Variants in RIT2 observed in about 807,000 individuals in gnomAD.
The protein encoded by RIT2 is Ras like without CAAX 2.
RIT2 carries 24 observed loss-of-function variants against 23.7 expected under a neutral mutation model. The observed-to-expected ratio is 1.01, with a 90% CI of 0.73 to 1.43. The LOEUF is 1.43. RIT2 is among the 40% of genes most tolerant of loss of function. RIT2 has a pLI of 0.00. For missense variants in RIT2, 236 were observed against 266.9 expected, an observed-to-expected ratio of 0.88 and a Z score of 0.81; for synonymous variants, 107 against 91.1, an observed-to-expected ratio of 1.17 and a Z score of -0.99.
At chr18:42,773,645 T>C (rs1443437145) in intron 4 of RIT2, among the ~76,000 whole-genome samples, 1 of 152,216 alleles carries the variant, frequency 6.6e-6, no homozygotes, top group Non-Finnish European at 1.5e-5. Context: ...ATTTTAGTAC[T>C]GAAATGCATA....
At chr18:43,029,548 C>A (rs891027049) in intron 2 of RIT2, among the ~76,000 whole-genome samples, 4 of 151,762 alleles carry the variant, frequency 2.6e-5, no homozygotes, top group African/African-American at 9.7e-5. Flanking sequence ...GACCTCAAGT[C>A]ATCTTAATGC....
At chr18:42,871,516 C>A (rs1364141506) in intron 4 of RIT2, among the ~76,000 whole-genome samples, 1 of 152,174 alleles carries the variant, frequency 6.6e-6, no homozygotes, top group Non-Finnish European at 1.5e-5. Flanking sequence ...CAACTGGACA[C>A]ACAACTAATC....
intron 4 of RIT2, among the ~76,000 whole-genome samples, chr18:42,772,066 A>C (rs139896864): frequency 4.6e-4 from 70 of 152,280 alleles, no homozygotes; most frequent in African/African-American, 1.6e-3. Context: ...AATTAGAGAC[A>C]AATATAAGTG....
At chr18:43,023,709 C>G (rs1911648021) in intron 2 of RIT2, among the ~76,000 whole-genome samples, 1 of 152,060 alleles carries the variant, frequency 6.6e-6, no homozygotes, top group African/African-American at 2.4e-5. Context: ...TGGGAGACTC[C>G]AATGACTAAA....
intron 4 of RIT2, among the ~76,000 whole-genome samples, chr18:42,762,527 T>C (rs527643808): frequency 1.3e-5 from 2 of 152,330 alleles, no homozygotes; most frequent in Non-Finnish European, 2.9e-5. Flanking sequence ...TTAAAGGTTT[T>C]TTAAACTATG....
chr18:42,847,571 C>T (rs1906944741), intron 4 of RIT2, among the ~76,000 whole-genome samples: 1 of 152,084 alleles, frequency 6.6e-6, no homozygotes, highest in Admixed American at 6.6e-5. Flanking sequence ...ATGGTTGCGT[C>T]ATCTGTCATT....
At chr18:42,954,688 C>G (rs1288863206) in intron 3 of RIT2, among the ~76,000 whole-genome samples, 1 of 151,974 alleles carries the variant, frequency 6.6e-6, no homozygotes, top group Admixed American at 6.6e-5. Flanking sequence ...TTTTTAAGGT[C>G]TGAATGAGAT....
At chr18:42,907,424 GA>G (rs200833673) in intron 4 of RIT2, among the ~76,000 whole-genome samples, 1 of 147,430 alleles carries the variant, frequency 6.8e-6, no homozygotes, top group Non-Finnish European at 1.5e-5. Flanking sequence ...GTAGACTGTT[GA>G]AGGGGTTGAG....
intron 4 of RIT2, among the ~76,000 whole-genome samples, chr18:42,913,122 C>T (rs1192397534): frequency 6.7e-6 from 1 of 149,410 alleles, no homozygotes; most frequent in Non-Finnish European, 1.5e-5. Flanking sequence ...TTTTTATAAA[C>T]TTGTAAAAGC....
intron 1 of RIT2, among the ~76,000 whole-genome samples, chr18:43,040,998 AACC>A (rs1210226210): frequency 6.6e-6 from 1 of 152,102 alleles, no homozygotes; most frequent in African/African-American, 2.4e-5. Flanking sequence ...TAGGGTGTAA[AACC>A]TACATGCTAG....
chr18:43,084,616 G>A (rs1160115712), intron 1 of RIT2, among the ~76,000 whole-genome samples: 1 of 152,110 alleles, frequency 6.6e-6, no homozygotes, highest in Non-Finnish European at 1.5e-5. Flanking sequence ...ATCATTCTCA[G>A]CAAACTAACA....
intron 4 of RIT2, among the ~76,000 whole-genome samples, chr18:42,762,421 A>G (rs1913323466): frequency 6.6e-6 from 1 of 152,228 alleles, no homozygotes; most frequent in South Asian, 2.1e-4. Context: ...AAGTATCCAC[A>G]GAACAAATAA....
At chr18:42,887,041 G>A (rs945149398) in intron 4 of RIT2, among the ~76,000 whole-genome samples, 2 of 152,176 alleles carry the variant, frequency 1.3e-5, no homozygotes, top group East Asian at 3.9e-4. Context: ...AGTACTTTTA[G>A]TAACAAAATA....
At chr18:42,764,383 T>C (rs1913373316) in intron 4 of RIT2, among the ~76,000 whole-genome samples, 1 of 152,194 alleles carries the variant, frequency 6.6e-6, no homozygotes, top group South Asian at 2.1e-4. Context: ...ATGTCCCATT[T>C]CCAAGAGTAG....
Position 43,115,494 on chromosome 18 carries a change from C to A in RIT2, c.26G>T (p.Cys9Phe). 2 of 1,613,258 alleles carry A rather than the reference C, an allele frequency of 1.2e-6. No homozygotes were observed. The highest frequency in any genetic ancestry group is 2.2e-5 in the East Asian group (1 of 44,824). Residue 9 changes from cysteine (C) to phenylalanine (F), a missense_variant, in exon 1 of 5, where the codon TGC (cysteine) becomes TTC (phenylalanine). Coordinates refer to ENST00000326695, the MANE Select transcript of RIT2 (RefSeq NM_002930.4). ...CCCGCCTGATGCGCTGCCCGGGGAG[C>A]AGCTGGCTTCATTTTCTACCTCCAT... MEVENEAS[C>F]SPGSASGGSR...
chr18:42,943,948 C>A (rs1319438085), intron 3 of RIT2, among the ~76,000 whole-genome samples: 1 of 152,116 alleles, frequency 6.6e-6, no homozygotes, highest in Admixed American at 6.6e-5. Context: ...GAAAGGACAT[C>A]ACTATGGGGT....
chr18:43,070,734 A>G (rs1043748187), intron 1 of RIT2, among the ~76,000 whole-genome samples: 2 of 152,236 alleles, frequency 1.3e-5, no homozygotes, highest in African/African-American at 2.4e-5. Flanking sequence ...GAATATATTC[A>G]GCTGAAAATT....
chr18:42,804,271 A>T (rs1568000347), intron 4 of RIT2, among the ~76,000 whole-genome samples: 1 of 152,128 alleles, frequency 6.6e-6, no homozygotes, highest in Non-Finnish European at 1.5e-5. Flanking sequence ...GAAATTAAAG[A>T]GGCTGGGTGT....
rs1910633776 is a variant in RIT2 at position 42,983,104 on chromosome 18, C to T, written c.161-8957G>A. Among the ~76,000 whole-genome samples, 5 of 152,098 alleles carry T rather than the reference C, an allele frequency of 3.3e-5. No individual in the cohort carries two copies. In the South Asian group the frequency reaches 1.0e-3, roughly 32 times the overall value. ...AAAGAATCAGTTTACCTGATTTCAA[C>T]AGTTATCATACAGCTACAATAATCA... On this transcript the variant is annotated intron_variant, in intron 2 of 4. Coordinates refer to ENST00000326695, the MANE Select transcript of RIT2 (RefSeq NM_002930.4).
Sources: gnomAD v4.1 joint callset for allele counts (sites outside exome capture counted in the v4.1 genomes callset) on GRCh38, gnomAD v4.1.1 for gene constraint, MANE v1.5 for transcripts, NCBI Gene and HGNC (gene_info 2026-07-23, HGNC 2026-07-21) for gene names.